MAGI3: variants seen among roughly 807,000 people sequenced by gnomAD.
MAGI3 encodes membrane-associated guanylate kinase, WW and PDZ domain-containing protein 3.
MAGI3 carries 43 observed loss-of-function variants against 121.8 expected under a neutral mutation model. The observed-to-expected ratio is 0.35, with a 90% CI of 0.28 to 0.46. The LOEUF (loss-of-function observed/expected upper bound fraction) is 0.46. MAGI3 is among the 20% of genes least tolerant of loss of function. The pLI is 1.00. For missense variants in MAGI3, 1,547 were observed against 1,797.3 expected (o/e 0.86, Z 2.52); for synonymous variants, 553 against 639.3 (o/e 0.86, Z 2.04).
At chr1:113,460,700 T>C (rs1365766276) in intron 1 of MAGI3, among the ~76,000 whole-genome samples, 1 of 151,932 alleles carries the variant, frequency 6.6e-6, no homozygotes, top group Admixed American at 6.6e-5. Flanking sequence ...TCCCAGCTAC[T>C]TGGGAAGCTG....
chr1:113,655,664 G>C (rs1040270199), intron 15 of MAGI3, among the ~76,000 whole-genome samples: 1 of 152,048 alleles, frequency 6.6e-6, no homozygotes, highest in African/African-American at 2.4e-5. Context: ...ATTAAGTGTT[G>C]TGTTTTGTAA....
At chr1:113,464,773 C>T (rs1361742061) in intron 1 of MAGI3, among the ~76,000 whole-genome samples, 1 of 152,110 alleles carries the variant, frequency 6.6e-6, no homozygotes, top group Non-Finnish European at 1.5e-5. Context: ...TGCTCACTTA[C>T]CTGTTGGCCA....
chr1:113,423,246 G>GT (rs780554427), intron 1 of MAGI3, among the ~76,000 whole-genome samples: 18,278 of 109,244 alleles, frequency 0.17, 1,543 homozygotes, highest in East Asian at 0.6. Flanking sequence ...GTAAGTATTC[G>GT]TTTTTTTTTT....
At chr1:113,470,790 T>C (rs1473639695) in intron 1 of MAGI3, among the ~76,000 whole-genome samples, 4 of 152,128 alleles carry the variant, frequency 2.6e-5, no homozygotes, top group African/African-American at 9.7e-5. Context: ...GATGGAGTAT[T>C]TGTATTTCTA....
intron 1 of MAGI3, among the ~76,000 whole-genome samples, chr1:113,469,722 C>T (rs1655454030): frequency 6.6e-6 from 1 of 151,994 alleles, no homozygotes. Context: ...GAGATTTCTG[C>T]TTGGTAATAG....
intron 11 of MAGI3, among the ~76,000 whole-genome samples, chr1:113,645,113 C>T (rs182470108): frequency 9.2e-5 from 14 of 151,506 alleles, no homozygotes; most frequent in Admixed American, 2.6e-4. Flanking sequence ...CAGCCTCTGC[C>T]GCCTAGGTTC....
At chr1:113,623,152 A>G (rs1195853102) in intron 9 of MAGI3, among the ~76,000 whole-genome samples, 158 bp downstream of exon 9, 1 of 152,018 alleles carries the variant, frequency 6.6e-6, no homozygotes, top group Admixed American at 6.6e-5. Flanking sequence ...TTTAAAAAAA[A>G]GTTGTATGGG....
chr1:113,611,057 T>G (rs1302234553), intron 6 of MAGI3, among the ~76,000 whole-genome samples: 2 of 152,066 alleles, frequency 1.3e-5, no homozygotes, highest in African/African-American at 4.8e-5. Context: ...AATTTCTAAT[T>G]TCTATTCCCA....
intron 8 of MAGI3, among the ~76,000 whole-genome samples, chr1:113,620,508 A>G (rs1011650829): frequency 2.0e-5 from 3 of 152,182 alleles, no homozygotes; most frequent in Non-Finnish European, 2.9e-5. Context: ...TCGGTTGCCT[A>G]TGAGAGAAAT....
intron 1 of MAGI3, among the ~76,000 whole-genome samples, chr1:113,467,309 C>T (rs1407245158): frequency 1.3e-5 from 2 of 152,076 alleles, no homozygotes; most frequent in African/African-American, 4.8e-5. Flanking sequence ...AGAAAAGATA[C>T]TTGATATGAT....
chr1:113,574,151 T>G (rs1647479821), intron 2 of MAGI3, among the ~76,000 whole-genome samples: 1 of 152,214 alleles, frequency 6.6e-6, no homozygotes, highest in East Asian at 1.9e-4. Flanking sequence ...TTATCCAATT[T>G]GCCAGTCTGT....
At chr1:113,411,109 CAA>C (rs1354283128) in intron 1 of MAGI3, among the ~76,000 whole-genome samples, 1 of 152,004 alleles carries the variant, frequency 6.6e-6, no homozygotes, top group Non-Finnish European at 1.5e-5. Context: ...GTGAGTAAAA[CAA>C]AACCAAAACC....
intron 1 of MAGI3, among the ~76,000 whole-genome samples, chr1:113,480,763 T>G (rs1656072782): frequency 6.6e-6 from 1 of 152,182 alleles, no homozygotes; most frequent in South Asian, 2.1e-4. Context: ...AAGTTTTTTT[T>G]TGTGCATGGA....
Position 113,684,203 on chromosome 1 carries a change from T to G in MAGI3, c.*189T>G. On this transcript the variant is annotated 3_prime_UTR_variant, in exon 21 of 21. Coordinates refer to ENST00000307546, the MANE Select transcript of MAGI3 (RefSeq NM_001142782.2). ...AGAACCAACTGTCCCCCTGGCCGGC[T>G]GCCCTCCCTCGCTCTCAGGAAGGAG... is the stretch of plus-strand genomic sequence containing the variant. 3.6e-6 allele frequency: 2 copies of G among 557,332 alleles called. No individual in the cohort carries two copies. The highest frequency in any genetic ancestry group is 5.7e-6 in the Non-Finnish European group (2 of 349,018). The allele number at this position is 557,332 out of a possible 1,614,324, so 34.5% of individuals were successfully genotyped here.
At chr1:113,545,511 C>T (rs145196219) in intron 1 of MAGI3, among the ~76,000 whole-genome samples, 55 of 152,246 alleles carry the variant, frequency 3.6e-4, no homozygotes, top group African/African-American at 1.3e-3. Context: ...TTGCCATGCC[C>T]GCATGCCCAG....
chr1:113,513,910 A>G (rs1439957102), intron 1 of MAGI3, among the ~76,000 whole-genome samples: 2 of 152,170 alleles, frequency 1.3e-5, no homozygotes, highest in African/African-American at 2.4e-5. Flanking sequence ...AGAATCTACA[A>G]TGAACTCAAA....
intron 3 of MAGI3, among the ~76,000 whole-genome samples, chr1:113,584,378 ATTTATT>A (rs1003165561): frequency 1.3e-5 from 2 of 152,142 alleles, no homozygotes; most frequent in African/African-American, 4.8e-5. Flanking sequence ...TTTCTGGAAC[ATTTATT>A]TTTACTGCAA....
At chr1:113,612,133 G>A (rs990222188) in intron 6 of MAGI3, among the ~76,000 whole-genome samples, 13 of 151,890 alleles carry the variant, frequency 8.6e-5, no homozygotes, top group Admixed American at 2.6e-4. Context: ...TAGTAGAGAC[G>A]GGGTTTCACA....
At chr1:113,470,288 C>T (rs1310344367) in intron 1 of MAGI3, among the ~76,000 whole-genome samples, 1 of 152,052 alleles carries the variant, frequency 6.6e-6, no homozygotes, top group Non-Finnish European at 1.5e-5. Flanking sequence ...TCTTGTTCTA[C>T]CATTCCCTAA....
Sources: allele counts gnomAD v4.1 joint callset (sites outside exome capture counted in the v4.1 genomes callset), GRCh38; gene constraint gnomAD v4.1.1; transcripts MANE v1.5; gene names NCBI Gene and HGNC (gene_info 2026-07-23, HGNC 2026-07-21).